The following C12orf42 variants were observed in gnomAD, a reference collection of about 807,000 sequenced individuals.
The protein encoded by C12orf42 is uncharacterized protein C12orf42.
In C12orf42, 25 loss-of-function variants were observed where a neutral mutation model predicts 21.6. That is an observed-to-expected ratio of 1.16 (90% CI 0.84 to 1.62). The LOEUF is 1.62. C12orf42 is among the 40% of genes most tolerant of loss of function. C12orf42 has a pLI of 0.00. For synonymous variants in C12orf42, 174 were observed against 175.0 expected (o/e 0.99, Z 0.05); for missense variants, 483 against 459.3 (o/e 1.05, Z -0.47).
intron 4 of C12orf42, among the ~76,000 whole-genome samples, chr12:103,328,775 A>T (rs553613069): frequency 2.0e-5 from 3 of 152,344 alleles, no homozygotes; most frequent in African/African-American, 7.2e-5. Flanking sequence ...ATTGAAAGAA[A>T]GCTGAGGAAG....
intron 2 of C12orf42, among the ~76,000 whole-genome samples, chr12:103,413,228 CTTT>C (rs1482397361): frequency 3.9e-5 from 6 of 152,116 alleles, no homozygotes; most frequent in Non-Finnish European, 8.8e-5. Context: ...CCCATTGCTT[CTTT>C]GTCAGCCTTG....
At chr12:103,321,584 T>G (rs2040130966) in intron 4 of C12orf42, among the ~76,000 whole-genome samples, 5 of 144,432 alleles carry the variant, frequency 3.5e-5, no homozygotes, top group African/African-American at 1.0e-4. Flanking sequence ...ATTGCGGCAC[T>G]ATTCACAATA....
chr12:103,097,598 C>T, the C12orf42 span, among the ~76,000 whole-genome samples: 1 of 152,164 alleles, frequency 6.6e-6, no homozygotes, highest in East Asian at 1.9e-4. Context: ...CAGATGGTTC[C>T]CTGGCCAACA....
chr12:103,308,527 C>T (rs1370902666), intron 4 of C12orf42, among the ~76,000 whole-genome samples: 1 of 152,108 alleles, frequency 6.6e-6, no homozygotes, highest in Non-Finnish European at 1.5e-5. Flanking sequence ...GACCTGTCAC[C>T]TAACAGTAAC....
chr12:103,055,597 T>C, the C12orf42 span, among the ~76,000 whole-genome samples: 1 of 152,008 alleles, frequency 6.6e-6, no homozygotes, highest in Non-Finnish European at 1.5e-5. Flanking sequence ...TCTGTTGCTT[T>C]TGGCTTATCT....
At chr12:103,366,508 G>A (rs2044615724) in intron 4 of C12orf42, among the ~76,000 whole-genome samples, 1 of 151,854 alleles carries the variant, frequency 6.6e-6, no homozygotes, top group African/African-American at 2.4e-5. Context: ...AAAACGAAAA[G>A]TCAGCAGAGT....
At chr12:103,349,459 A>C (rs2042922486) in intron 4 of C12orf42, 1 of 152,208 alleles carries the variant, frequency 6.6e-6, no homozygotes, top group African/African-American at 2.4e-5. Context: ...CAAAGATATA[A>C]TTTAAGAAAA....
intron 2 of C12orf42, among the ~76,000 whole-genome samples, chr12:103,468,756 C>T (rs1442115200): frequency 6.6e-6 from 1 of 152,072 alleles, no homozygotes; most frequent in African/African-American, 2.4e-5. Context: ...TGAATTCACC[C>T]AAGTGCAAAT....
At chr12:103,555,567 C>T in the C12orf42 span, among the ~76,000 whole-genome samples, 2 of 152,134 alleles carry the variant, frequency 1.3e-5, no homozygotes, top group Non-Finnish European at 2.9e-5. Context: ...TGCTGCTGAT[C>T]CGAGGACCAC....
the C12orf42 span, among the ~76,000 whole-genome samples, chr12:103,551,894 A>C: frequency 6.6e-6 from 1 of 152,084 alleles, no homozygotes; most frequent in Non-Finnish European, 1.5e-5. Context: ...TAGAAGGAGG[A>C]GGAGGAAGAG....
the C12orf42 span, among the ~76,000 whole-genome samples, chr12:103,502,215 A>T: frequency 6.6e-6 from 1 of 150,648 alleles, no homozygotes; most frequent in Non-Finnish European, 1.5e-5. Flanking sequence ...TCCACCCTCC[A>T]CCCCCTTGAC....
chr12:103,288,384 G>A (rs1275028169), intron 4 of C12orf42, among the ~76,000 whole-genome samples: 3 of 152,170 alleles, frequency 2.0e-5, no homozygotes, highest in Non-Finnish European at 4.4e-5. Context: ...TGTTGGTAAA[G>A]GAGGGTTAGG....
chr12:103,216,923 A>G, the C12orf42 span, among the ~76,000 whole-genome samples: 1 of 151,650 alleles, frequency 6.6e-6, no homozygotes, highest in Non-Finnish European at 1.5e-5. Context: ...GCTCACTGTA[A>G]CCTCTGCCTC....
At chr12:103,370,773 A>G (rs1320936590) in intron 3 of C12orf42, among the ~76,000 whole-genome samples, 2 of 152,092 alleles carry the variant, frequency 1.3e-5, no homozygotes, top group Non-Finnish European at 2.9e-5. Context: ...AAAATACCCT[A>G]TGGGATACTA....
At chr12:103,266,535 A>G (rs2035180793), downstream of C12orf42, among the ~76,000 whole-genome samples, 2 of 152,160 alleles carry the variant, frequency 1.3e-5, no homozygotes, top group African/African-American at 4.8e-5. Flanking sequence ...AAGAAATAGA[A>G]AAAAGCAAAG....
the C12orf42 span, among the ~76,000 whole-genome samples, chr12:103,145,710 T>C: frequency 6.6e-6 from 1 of 152,142 alleles, no homozygotes; most frequent in South Asian, 2.1e-4. Context: ...TGTGAAAAAT[T>C]AGAAACCACA....
chr12:103,258,548 G>T (rs1018641518), intron 10 of C12orf42, among the ~76,000 whole-genome samples: 3 of 151,402 alleles, frequency 2.0e-5, no homozygotes, highest in African/African-American at 7.3e-5. Flanking sequence ...AAAATATATA[G>T]AGAAATCAAA....
chr12:103,491,734 A>G (rs913811672), intron 1 of C12orf42, among the ~76,000 whole-genome samples: 2 of 152,242 alleles, frequency 1.3e-5, no homozygotes, highest in African/African-American at 4.8e-5. Flanking sequence ...GAGAGAATGG[A>G]AAACTCACCC....
chr12:103,200,490 CA>C, the C12orf42 span, among the ~76,000 whole-genome samples: 1 of 151,878 alleles, frequency 6.6e-6, no homozygotes, highest in Non-Finnish European at 1.5e-5. Flanking sequence ...TCTAATCACA[CA>C]AAAAATAATA....
Sources: gnomAD v4.1 joint callset for allele counts (sites outside exome capture counted in the v4.1 genomes callset) on GRCh38, gnomAD v4.1.1 for gene constraint, MANE v1.5 for transcripts, NCBI Gene and HGNC (gene_info 2026-07-23, HGNC 2026-07-21) for gene names.